Variants in PPM1L observed in about 807,000 individuals in gnomAD.
PPM1L encodes protein phosphatase 1L.
A neutral mutation model predicts 31.4 loss-of-function variants in PPM1L; 13 were observed. The ratio of observed to expected loss-of-function variants is 0.41; its 90% CI spans 0.27 to 0.66. The LOEUF (loss-of-function observed/expected upper bound fraction) is 0.66, where lower values mean the gene tolerates loss of function less well. Among genes scored for constraint, PPM1L ranks in the 30% least tolerant of loss-of-function variants. PPM1L has a pLI of 0.29. For missense variants in PPM1L, 326 were observed against 453.7 expected, an observed-to-expected ratio of 0.72 and a Z score of 2.56; for synonymous variants, 184 against 175.4, an observed-to-expected ratio of 1.05 and a Z score of -0.39.
chr3:160,761,828 GAGA>G (rs145121721), intron 1 of PPM1L, among the ~76,000 whole-genome samples: 6,285 of 152,282 alleles, frequency 0.041, 144 homozygotes, highest in South Asian at 0.05. Flanking sequence ...TGGCAGACCG[GAGA>G]AGAAGAGAGC....
intron 2 of PPM1L, among the ~76,000 whole-genome samples, chr3:160,964,099 GCCA>G (rs1716057537): frequency 1.3e-5 from 2 of 151,954 alleles, no homozygotes; most frequent in African/African-American, 4.8e-5. Flanking sequence ...GCTAGTTAAT[GCCA>G]CTAGTGATGA....
At chr3:160,780,526 C>G (rs199570507) in intron 1 of PPM1L, among the ~76,000 whole-genome samples, 1 of 152,194 alleles carries the variant, frequency 6.6e-6, no homozygotes, top group East Asian at 1.9e-4. Context: ...TAATAAACAG[C>G]TGCTTGAGTG....
intron 2 of PPM1L, among the ~76,000 whole-genome samples, chr3:161,017,398 T>G (rs1435324646): frequency 1.3e-5 from 2 of 152,134 alleles, no homozygotes; most frequent in African/African-American, 4.8e-5. Flanking sequence ...ACACAATTGA[T>G]TATGTTGATT....
intron 1 of PPM1L, among the ~76,000 whole-genome samples, chr3:160,809,300 TTGGCA>T (rs1712736782): frequency 6.6e-6 from 1 of 152,166 alleles, no homozygotes; most frequent in Admixed American, 6.5e-5. Context: ...TTGATTATAT[TTGGCA>T]TGGCTCTGAA....
chr3:160,769,009 G>A lies in PPM1L; in HGVS notation c.399+12302G>A, dbSNP rs145356241. 4.5e-4 allele frequency among the ~76,000 whole-genome samples: 69 copies of A among 152,222 alleles called. 1 individual carries two copies. The East Asian group carries it at 0.013, about 29-fold the overall frequency. ...TTATATCTGTCCCGTTCTTTTTTAA[G>A]CTTCAGGAAACCTCTCTAGAAAGTA... On this transcript the variant is annotated intron_variant, in intron 1 of 3. Transcript: ENST00000498165.
At chr3:160,885,100 G>A (rs1712863125) in intron 1 of PPM1L, among the ~76,000 whole-genome samples, 2 of 152,078 alleles carry the variant, frequency 1.3e-5, no homozygotes, top group Non-Finnish European at 2.9e-5. Flanking sequence ...GGAGGGATAG[G>A]TACTCAGTAG....
chr3:160,829,063 G>A (rs1271917024), intron 1 of PPM1L, among the ~76,000 whole-genome samples: 1 of 151,862 alleles, frequency 6.6e-6, no homozygotes, highest in Non-Finnish European at 1.5e-5. Flanking sequence ...GATACATGTC[G>A]TCATTGGCAC....
chr3:160,930,139 G>C (rs1338695687), intron 1 of PPM1L, among the ~76,000 whole-genome samples: 1 of 152,066 alleles, frequency 6.6e-6, no homozygotes, highest in Non-Finnish European at 1.5e-5. Context: ...GGGCTTTTTA[G>C]AACCACAAAA....
intron 1 of PPM1L, among the ~76,000 whole-genome samples, chr3:160,833,591 T>A (rs6784487): frequency 0.014 from 2,173 of 152,150 alleles, 54 homozygotes; most frequent in African/African-American, 0.049. Context: ...TTGAGAAATG[T>A]CTGTTCATGT....
chr3:161,038,514 T>TTTC (rs1718812653), intron 2 of PPM1L, among the ~76,000 whole-genome samples: 1 of 150,532 alleles, frequency 6.6e-6, no homozygotes, highest in Admixed American at 6.7e-5. Context: ...TCTCACTATG[T>TTTC]TGCCCAGGCT....
chr3:160,884,250 A>G (rs1172277884), intron 1 of PPM1L, among the ~76,000 whole-genome samples: 1 of 152,192 alleles, frequency 6.6e-6, no homozygotes, highest in Non-Finnish European at 1.5e-5. Context: ...GAAGCCAGTT[A>G]GTTGTGGACA....
chr3:160,950,681 T>C (rs1450426926), intron 1 of PPM1L, among the ~76,000 whole-genome samples: 2 of 152,144 alleles, frequency 1.3e-5, no homozygotes, highest in Non-Finnish European at 2.9e-5. Flanking sequence ...TACTCCTATA[T>C]AAATAGTGGT....
At position 160,886,431 on chromosome 3, in the gene PPM1L, C is replaced by G. The variant is rs568790149; in HGVS notation, c.400-75305C>G. Among the ~76,000 whole-genome samples, 9 of 152,300 alleles carry G rather than the reference C, an allele frequency of 5.9e-5. No homozygotes were observed. The South Asian group carries it at 1.9e-3, about 32-fold the overall frequency. ...CCTCCAACAGGGGTTTTCAGACACT[C>G]TATACAGGAGCAATCCTACTGGCAT... On this transcript the variant is annotated intron_variant, in intron 1 of 3. Transcript: ENST00000498165.
At chr3:161,020,930 T>C (rs1237669415) in intron 2 of PPM1L, among the ~76,000 whole-genome samples, 2 of 152,070 alleles carry the variant, frequency 1.3e-5, no homozygotes, top group Admixed American at 1.3e-4. Context: ...GTATTCCCAA[T>C]CTTGGTAATC....
intron 1 of PPM1L, among the ~76,000 whole-genome samples, chr3:160,953,047 A>G (rs1454509168): frequency 6.6e-6 from 1 of 152,182 alleles, no homozygotes; most frequent in East Asian, 1.9e-4. Context: ...TAGACCATCC[A>G]TAAGGCAAAA....
At chr3:160,990,937 C>CA (rs1405444572) in intron 2 of PPM1L, among the ~76,000 whole-genome samples, 1 of 152,114 alleles carries the variant, frequency 6.6e-6, no homozygotes, top group Non-Finnish European at 1.5e-5. Flanking sequence ...AAAATGCCCC[C>CA]ACAAATACCC....
chr3:160,882,947 A>T (rs1712776063), intron 1 of PPM1L, among the ~76,000 whole-genome samples: 1 of 152,110 alleles, frequency 6.6e-6, no homozygotes, highest in East Asian at 1.9e-4. Flanking sequence ...GGGTTCAGGG[A>T]TGGGGAGAAA....
chr3:160,763,435 A>G (rs144715658), intron 1 of PPM1L, among the ~76,000 whole-genome samples: 1 of 152,382 alleles, frequency 6.6e-6, no homozygotes, highest in Non-Finnish European at 1.5e-5. Context: ...CTAGTTTAAA[A>G]AAATAAATAA....
intron 2 of PPM1L, among the ~76,000 whole-genome samples, chr3:161,038,182 C>G (rs1004853099): frequency 3.6e-5 from 5 of 137,518 alleles, no homozygotes; most frequent in Non-Finnish European, 7.5e-5. Context: ...TGCAGTGAGC[C>G]GAGATCCCGC....
Sources: gnomAD v4.1 joint callset for allele counts (sites outside exome capture counted in the v4.1 genomes callset) on GRCh38, gnomAD v4.1.1 for gene constraint, MANE v1.5 for transcripts, NCBI Gene and HGNC (gene_info 2026-07-23, HGNC 2026-07-21) for gene names.